Variants in MAP2 observed in about 807,000 individuals in gnomAD.
The protein encoded by MAP2 is microtubule associated protein 2.
A neutral mutation model predicts 137.6 loss-of-function variants in MAP2; 14 were observed. That is an observed-to-expected ratio of 0.10 (90% CI 0.07 to 0.16). The LOEUF (loss-of-function observed/expected upper bound fraction) is 0.16. MAP2 is among the 10% of genes least tolerant of loss of function. MAP2 has a pLI of 1.00. For synonymous variants in MAP2, 786 were observed against 782.3 expected, an observed-to-expected ratio of 1.00 and a Z score of -0.08; for missense variants, 2,088 against 2,191.5, an observed-to-expected ratio of 0.95 and a Z score of 0.94.
chr2:209,708,982 T>A (rs1345616693), intron 12 of MAP2, among the ~76,000 whole-genome samples: 1 of 152,194 alleles, frequency 6.6e-6, no homozygotes, highest in African/African-American at 2.4e-5. Flanking sequence ...TGCATTCTTA[T>A]TTCTATCATT....
rs1051377311 is a variant in MAP2 at position 209,626,605 on chromosome 2, G to A, written c.-30+1476G>A. On this transcript the variant is annotated intron_variant, in intron 4 of 15. Transcript: ENST00000682079. ...ACCCTAAAGATCATATAACCTTCCTGTGTGTGTTCTAACACTGCTATGACA... is the reference window on the plus strand; with the variant it reads ...ACCCTAAAGATCATATAACCTTCCTATGTGTGTTCTAACACTGCTATGACA... Among the ~76,000 whole-genome samples, 8 of 152,134 alleles carry A rather than the reference G, an allele frequency of 5.3e-5. No homozygotes were observed. In the South Asian group the frequency reaches 1.7e-3, roughly 31 times the overall value.
In MAP2 at chr2:209,734,013, A is replaced by G. The variant is rs2076127006; in HGVS notation, c.*3616A>G. On this transcript the variant is annotated 3_prime_UTR_variant, in exon 16 of 16. Coordinates refer to ENST00000682079, the MANE Select transcript of MAP2 (RefSeq NM_001375505.1). ...GTTACCATAGAAAGGCATTTCTTCA[A>G]TGGCTGGTTGTAGTTAGTTCATGTT... The G allele has an allele frequency of 1.3e-5, 2 of 152,596 alleles. No homozygotes were observed. Among genetic ancestry groups the G allele is most frequent in the Admixed American group, 1.3e-4 (2 of 15,270 alleles). The allele number at this position is 152,596 out of a possible 1,614,324, so 9.5% of individuals were successfully genotyped here. A position where few individuals can be genotyped will look rare whatever the true frequency, so the allele number is the denominator to read the frequency against.
chr2:209,519,806 C>T (rs75629530), intron 2 of MAP2, among the ~76,000 whole-genome samples: 1 of 93,916 alleles, frequency 1.1e-5, no homozygotes, highest in Non-Finnish European at 1.9e-5. Flanking sequence ...TATTCTAAAA[C>T]AAATAACAAA....
intron 3 of MAP2, among the ~76,000 whole-genome samples, chr2:209,617,450 G>T (rs959966148): frequency 1.3e-5 from 2 of 152,146 alleles, no homozygotes; most frequent in African/African-American, 4.8e-5. Flanking sequence ...CAGATACCCA[G>T]CGTGATCAAA....
chr2:209,671,109 C>T (rs772809408), intron 5 of MAP2, among the ~76,000 whole-genome samples: 12 of 151,722 alleles, frequency 7.9e-5, no homozygotes, highest in African/African-American at 2.9e-4. Flanking sequence ...TTGTTTTAAT[C>T]GCTAAATCTT....
intron 3 of MAP2, among the ~76,000 whole-genome samples, chr2:209,594,232 A>G (rs1268382986): frequency 6.6e-6 from 1 of 151,220 alleles, no homozygotes; most frequent in African/African-American, 2.4e-5. Context: ...CACATCCACC[A>G]TGTGTTTTAG....
intron 4 of MAP2, among the ~76,000 whole-genome samples, chr2:209,639,577 C>G (rs181219806): frequency 6.6e-6 from 1 of 152,134 alleles, no homozygotes; most frequent in Non-Finnish European, 1.5e-5. Context: ...TCCTAAAAAC[C>G]AAGCTCGAGT....
chr2:209,507,908 C>T (rs12992468), intron 2 of MAP2, among the ~76,000 whole-genome samples: 4 of 151,648 alleles, frequency 2.6e-5, no homozygotes, highest in Admixed American at 2.0e-4. Flanking sequence ...GAAAAAAATC[C>T]AACTCGAATT....
rs559145410 is a variant in MAP2, at chr2:209,515,066, G to A, written c.-172+7425G>A. Among the ~76,000 whole-genome samples, 8 of 152,216 alleles carry A rather than the reference G, an allele frequency of 5.3e-5. No homozygotes were observed. The South Asian group carries it at 1.2e-3, about 24-fold the overall frequency. On this transcript the variant is annotated intron_variant, in intron 2 of 15. Transcript: ENST00000682079. ...TCATTTGCCATAACAAACCGACATG[G>A]ATTAGGTTTCATTCCATATTATTCA...
At chr2:209,677,411 C>T (rs567165856) in intron 5 of MAP2, among the ~76,000 whole-genome samples, 275 of 131,970 alleles carry the variant, frequency 2.1e-3, no homozygotes, top group African/African-American at 9.3e-3. Flanking sequence ...GATAGACAGA[C>T]AGACAGACAG....
intron 5 of MAP2, among the ~76,000 whole-genome samples, chr2:209,669,285 C>T (rs1362198603): frequency 6.6e-6 from 1 of 152,022 alleles, no homozygotes; most frequent in African/African-American, 2.4e-5. Flanking sequence ...TCCATGTGAA[C>T]ATTGAGTGTA....
Position 209,626,390 on chromosome 2 carries a change from G to A in MAP2, c.-30+1261G>A, listed in dbSNP as rs566087564. On this transcript the variant is annotated intron_variant, in intron 4 of 15. Transcript: ENST00000682079. ...GATCACAACATTGCACTCCAGCCCA[G>A]GTGACAGTGCAAGACTCTGTCTCAA... Among the ~76,000 whole-genome samples, 409 of 152,234 alleles carry A rather than the reference G, an allele frequency of 2.7e-3. 1 individual carries two copies. Among genetic ancestry groups the A allele is most frequent in the African/African-American group, 8.9e-3 (370 of 41,538 alleles).
chr2:209,454,080 G>A (rs1283234048), intron 1 of MAP2, among the ~76,000 whole-genome samples: 2 of 150,658 alleles, frequency 1.3e-5, no homozygotes, highest in African/African-American at 4.9e-5. Context: ...GAACCTGGGA[G>A]GCGGAGCTTG....
At chr2:209,493,906 C>T (rs1352695566) in intron 1 of MAP2, among the ~76,000 whole-genome samples, 1 of 152,120 alleles carries the variant, frequency 6.6e-6, no homozygotes, top group African/African-American at 2.4e-5. Context: ...CCAGGAATAC[C>T]ATTTGGCCCA....
At chr2:209,550,101 G>A (rs889404216) in intron 2 of MAP2, among the ~76,000 whole-genome samples, 2 of 152,258 alleles carry the variant, frequency 1.3e-5, no homozygotes, top group East Asian at 1.9e-4. Context: ...TGTCAATCCC[G>A]GGGGAAGCTA....
intron 1 of MAP2, among the ~76,000 whole-genome samples, chr2:209,505,034 AT>A (rs1211656679): frequency 6.6e-6 from 1 of 150,714 alleles, no homozygotes; most frequent in Admixed American, 6.6e-5. Flanking sequence ...TTAGAGACAT[AT>A]TTTTTCTTCT....
At chr2:209,492,704 A>G (rs2059271339) in intron 1 of MAP2, among the ~76,000 whole-genome samples, 1 of 152,214 alleles carries the variant, frequency 6.6e-6, no homozygotes, top group Non-Finnish European at 1.5e-5. Context: ...TATAAAGAGA[A>G]TAAAATACCT....
chr2:209,696,950 C>A lies in MAP2; in HGVS notation c.4421C>A (p.Thr1474Lys). 6.2e-7 allele frequency: 1 copy of A among 1,609,174 alleles called. No homozygotes were observed. The highest frequency in any genetic ancestry group is 8.5e-7 in the Non-Finnish European group (1 of 1,178,808). ...AAGAAGGCTGAACTTGCTAAAAAAA[C>A]AGAAGTTCAGGCCCACTCTCCCTCC... Reference protein sequence around the residue: ...VYKKAELAKKTEVQAHSPSRK... With the variant: ...VYKKAELAKKKEVQAHSPSRK... The change falls in exon 10 of 16, where the codon ACA (threonine) becomes AAA (lysine). Residue 1474 changes from threonine (T) to lysine (K), a missense_variant. Around this residue, in one of 6 missense-constraint regions of MAP2, gnomAD observed 591 missense variants for 642.6 expected, o/e 0.92. Coordinates refer to ENST00000682079, the MANE Select transcript of MAP2 (RefSeq NM_001375505.1).
chr2:209,689,300 AT>A (rs3835776), intron 7 of MAP2, among the ~76,000 whole-genome samples: 23,155 of 151,666 alleles, frequency 0.15, 2,690 homozygotes, highest in African/African-American at 0.33. Context: ...GATAATGTAG[AT>A]TTTTTTTTCT....
Sources: allele counts gnomAD v4.1 joint callset (sites outside exome capture counted in the v4.1 genomes callset), GRCh38; gene constraint gnomAD v4.1.1; regional missense constraint gnomAD v4.1.1; transcripts MANE v1.5; gene names NCBI Gene and HGNC (gene_info 2026-07-23, HGNC 2026-07-21).